NOS1AP: variants seen among roughly 807,000 people sequenced by gnomAD.
NOS1AP encodes the protein carboxyl-terminal PDZ ligand of neuronal nitric oxide synthase protein.
NOS1AP carries 21 observed loss-of-function variants against 56.2 expected under a neutral mutation model. The observed-to-expected ratio is 0.37, with a 90% CI of 0.26 to 0.54. The LOEUF is 0.54. NOS1AP is among the 20% of genes least tolerant of loss of function. The pLI, the probability that NOS1AP is intolerant of heterozygous loss-of-function variation, is 0.84. For missense variants in NOS1AP, 522 were observed against 657.8 expected (o/e 0.79, Z 2.26); for synonymous variants, 270 against 274.6 (o/e 0.98, Z 0.17).
chr1:162,307,495 G>A (rs561640319), intron 4 of NOS1AP, among the ~76,000 whole-genome samples: 33 of 152,216 alleles, frequency 2.2e-4, no homozygotes, highest in Non-Finnish European at 4.4e-4. Context: ...CATCCAAATA[G>A]TGACATGATT....
intron 2 of NOS1AP, among the ~76,000 whole-genome samples, chr1:162,197,680 G>A (rs912292736): frequency 4.5e-4 from 69 of 152,302 alleles, no homozygotes; most frequent in Non-Finnish European, 4.7e-4. Context: ...GACTTGTCTC[G>A]GGTCACTTAG....
chr1:162,095,557 A>G (rs150994394), intron 1 of NOS1AP, among the ~76,000 whole-genome samples: 4 of 152,366 alleles, frequency 2.6e-5, no homozygotes, highest in South Asian at 2.1e-4. Flanking sequence ...GAAAGAATGT[A>G]GTAATTGATA....
At chr1:162,222,306 T>C (rs903360669) in intron 2 of NOS1AP, among the ~76,000 whole-genome samples, 5 of 152,214 alleles carry the variant, frequency 3.3e-5, no homozygotes, top group African/African-American at 9.7e-5. Context: ...TACAATGCGG[T>C]ATATAATATC....
chr1:162,085,119 G>C (rs1691974512), intron 1 of NOS1AP, among the ~76,000 whole-genome samples: 1 of 152,028 alleles, frequency 6.6e-6, no homozygotes, highest in African/African-American at 2.4e-5. Context: ...GGTGTTTCCA[G>C]GTCTCCAGCT....
chr1:162,071,067 G>A (rs896272527), intron 1 of NOS1AP, among the ~76,000 whole-genome samples: 2 of 152,170 alleles, frequency 1.3e-5, no homozygotes. Flanking sequence ...CTCCCTGAGT[G>A]AGGAGTTCTG....
Position 162,293,177 on chromosome 1 carries a change from C to T in NOS1AP, c.270+5741C>T, listed in dbSNP as rs78211278. On this transcript the variant is annotated intron_variant, in intron 3 of 9. Transcript: ENST00000361897. ...GCTTTATTTTCAGTAGTATCCCATT[C>T]TATCTAGAAGCATGGAGAACTTGTC... Among the ~76,000 whole-genome samples the T allele has an allele frequency of 4.0e-3, 603 of 149,010 alleles. 8 individuals are homozygous for T. The highest frequency in any genetic ancestry group is 0.026 in the Admixed American group (398 of 15,060).
intron 4 of NOS1AP, among the ~76,000 whole-genome samples, chr1:162,318,748 C>T (rs969140105): frequency 6.6e-6 from 1 of 152,096 alleles, no homozygotes; most frequent in Non-Finnish European, 1.5e-5. Flanking sequence ...TCTATCCCCT[C>T]CATCCCTTAT....
At chr1:162,359,438 T>G (rs1657816890) in intron 8 of NOS1AP, among the ~76,000 whole-genome samples, 1 of 152,212 alleles carries the variant, frequency 6.6e-6, no homozygotes, top group African/African-American at 2.4e-5. Context: ...GCTTTTGCTG[T>G]CCAGGACCAC....
chr1:162,327,533 G>C (rs1239631230), intron 4 of NOS1AP, among the ~76,000 whole-genome samples: 2 of 152,174 alleles, frequency 1.3e-5, no homozygotes, highest in African/African-American at 2.4e-5. Flanking sequence ...TAAGCAGATG[G>C]TCTGTGAGAA....
intron 2 of NOS1AP, among the ~76,000 whole-genome samples, chr1:162,169,216 C>G (rs1650648465): frequency 1.3e-5 from 2 of 152,248 alleles, no homozygotes; most frequent in African/African-American, 4.8e-5. Context: ...TCTTCAGCAT[C>G]TGCTGTTTTC....
intron 8 of NOS1AP, chr1:162,360,804 G>A: frequency 2.2e-6 from 1 of 456,552 alleles, no homozygotes; most frequent in South Asian, 1.5e-5. Flanking sequence ...CTCTGCTTCT[G>A]TGTCCAGTGT....
intron 4 of NOS1AP, among the ~76,000 whole-genome samples, chr1:162,326,470 AT>A (rs1397600609): frequency 1.3e-5 from 2 of 152,238 alleles, no homozygotes; most frequent in Non-Finnish European, 2.9e-5. Context: ...ATGCTTACAC[AT>A]ATTACATGTG....
intron 6 of NOS1AP, among the ~76,000 whole-genome samples, chr1:162,347,783 T>C (rs905771424): frequency 7.9e-5 from 12 of 152,204 alleles, no homozygotes; most frequent in Admixed American, 5.9e-4. Flanking sequence ...ACTCCTCCCA[T>C]GTTCCCTGAG....
intron 2 of NOS1AP, among the ~76,000 whole-genome samples, chr1:162,238,048 C>G (rs959000688): frequency 6.6e-6 from 1 of 152,096 alleles, no homozygotes; most frequent in African/African-American, 2.4e-5. Flanking sequence ...CAGGATTAAT[C>G]ACATTTCATA....
intron 2 of NOS1AP, among the ~76,000 whole-genome samples, chr1:162,220,557 T>G (rs991929285): frequency 3.0e-4 from 46 of 152,206 alleles, no homozygotes; most frequent in South Asian, 2.1e-4. Flanking sequence ...AATCTGGACT[T>G]GGAGTCTCCC....
chr1:162,178,997 A>G (rs1651162086), intron 2 of NOS1AP, among the ~76,000 whole-genome samples: 1 of 151,762 alleles, frequency 6.6e-6, no homozygotes, highest in African/African-American at 2.4e-5. Flanking sequence ...GTGGGGGTTG[A>G]GGGGGGTGGT....
At chr1:162,203,589 C>G (rs1316242132) in intron 2 of NOS1AP, among the ~76,000 whole-genome samples, 4 of 152,162 alleles carry the variant, frequency 2.6e-5, no homozygotes. Flanking sequence ...CAGACTCCAT[C>G]CCAAGATTAC....
chr1:162,305,950 T>G (rs1283087910), intron 4 of NOS1AP, among the ~76,000 whole-genome samples: 1 of 152,228 alleles, frequency 6.6e-6, no homozygotes, highest in Non-Finnish European at 1.5e-5. Flanking sequence ...TAAATGTAAT[T>G]GATTTGAGAC....
intron 4 of NOS1AP, among the ~76,000 whole-genome samples, chr1:162,326,141 C>T (rs1176325691): frequency 6.6e-6 from 1 of 152,176 alleles, no homozygotes; most frequent in Non-Finnish European, 1.5e-5. Context: ...AAATAATTTG[C>T]TCAAGGCCCC....
Sources: allele counts gnomAD v4.1 joint callset (sites outside exome capture counted in the v4.1 genomes callset), GRCh38; gene constraint gnomAD v4.1.1; transcripts MANE v1.5; gene names NCBI Gene and HGNC (gene_info 2026-07-23, HGNC 2026-07-21).